Variants in MINDY4 observed in about 807,000 individuals in gnomAD.
MINDY4 encodes the protein MINDY lysine 48 deubiquitinase 4.
A neutral mutation model predicts 87.0 loss-of-function variants in MINDY4; 68 were observed. That is an observed-to-expected ratio of 0.78 (90% CI 0.64 to 0.96). The LOEUF is 0.96. Ranked by LOEUF, MINDY4 falls within the 40% of genes least tolerant of loss-of-function variation. The pLI is 0.00. For missense variants in MINDY4, 919 were observed against 928.2 expected (o/e 0.99, Z 0.13); for synonymous variants, 379 against 363.2 (o/e 1.04, Z -0.50).
At chr7:30,838,085 C>T (rs929209940) in intron 7 of MINDY4, among the ~76,000 whole-genome samples, 4 of 152,166 alleles carry the variant, frequency 2.6e-5, no homozygotes, top group Admixed American at 6.5e-5. Flanking sequence ...TTGGGGCTCA[C>T]TCAAGGCTTC....
chr7:30,875,901 A>G (rs1584347398), intron 15 of MINDY4, among the ~76,000 whole-genome samples: 1 of 152,130 alleles, frequency 6.6e-6, no homozygotes, highest in African/African-American at 2.4e-5. Flanking sequence ...ACTTCGAGGG[A>G]TTTCTGCCGT....
intron 5 of MINDY4, among the ~76,000 whole-genome samples, chr7:30,826,536 A>G (rs910443241): frequency 8.5e-5 from 13 of 152,218 alleles, no homozygotes; most frequent in Admixed American, 3.9e-4. Context: ...CTTGGAGGAA[A>G]TGCAGGCAGA....
intron 5 of MINDY4, among the ~76,000 whole-genome samples, chr7:30,810,624 T>C (rs1378731158): frequency 6.6e-6 from 1 of 152,216 alleles, no homozygotes; most frequent in Non-Finnish European, 1.5e-5. Context: ...TAACCTGCTC[T>C]ATAACAAAGA....
chr7:30,881,955 G>T (rs1397197139), intron 15 of MINDY4, among the ~76,000 whole-genome samples: 1 of 152,150 alleles, frequency 6.6e-6, no homozygotes, highest in African/African-American at 2.4e-5. Context: ...TCTCAGGTCT[G>T]TATGGCAGAG....
chr7:30,816,609 C>T (rs1476024422), intron 5 of MINDY4, among the ~76,000 whole-genome samples: 1 of 151,462 alleles, frequency 6.6e-6, no homozygotes, highest in African/African-American at 2.4e-5. Context: ...TCCCTCCCTC[C>T]CGCCCCCCTG....
chr7:30,883,160 G>A (rs1469894736), intron 17 of MINDY4, among the ~76,000 whole-genome samples, 167 bp downstream of exon 17: 1 of 152,192 alleles, frequency 6.6e-6, no homozygotes, highest in Non-Finnish European at 1.5e-5. Flanking sequence ...TGGTCACTGG[G>A]GCCCAGGTTC....
intron 5 of MINDY4, among the ~76,000 whole-genome samples, chr7:30,819,645 T>C (rs1788262918): frequency 6.6e-6 from 1 of 152,176 alleles, no homozygotes; most frequent in South Asian, 2.1e-4. Flanking sequence ...TTTGATAATA[T>C]GTTTTGAAGC....
intron 5 of MINDY4, among the ~76,000 whole-genome samples, chr7:30,815,538 G>GTGGA (rs1788122536): frequency 6.6e-6 from 1 of 152,220 alleles, no homozygotes; most frequent in South Asian, 2.1e-4. Context: ...GTGCAGAGGG[G>GTGGA]TGGAGGTGAG....
chr7:30,791,692 GCCTGC>G, intron 5 of MINDY4, 118 bp downstream of exon 5: 4 of 1,131,708 alleles, frequency 3.5e-6, no homozygotes, highest in Non-Finnish European at 4.9e-6. Flanking sequence ...CTCAGAACAA[GCCTGC>G]GAAGTAACCG....
intron 17 of MINDY4, among the ~76,000 whole-genome samples, chr7:30,885,373 A>T (rs1043128848): frequency 1.3e-5 from 2 of 152,162 alleles, no homozygotes; most frequent in South Asian, 4.1e-4. Context: ...TTAGCCGGGC[A>T]TGGTGGCACA....
intron 5 of MINDY4, among the ~76,000 whole-genome samples, chr7:30,823,040 T>C (rs1332036825): frequency 6.6e-6 from 1 of 152,194 alleles, no homozygotes; most frequent in Non-Finnish European, 1.5e-5. Context: ...GTTTCATTAT[T>C]AGGTTTACAT....
intron 1 of MINDY4, among the ~76,000 whole-genome samples, chr7:30,775,212 C>T (rs1197972979): frequency 2.0e-5 from 3 of 152,152 alleles, no homozygotes; most frequent in Non-Finnish European, 1.5e-5. Flanking sequence ...TCATGACTGC[C>T]CCCACTTCAG....
chr7:30,798,377 A>G, intron 5 of MINDY4, among the ~76,000 whole-genome samples: 1 of 152,220 alleles, frequency 6.6e-6, no homozygotes, highest in Non-Finnish European at 1.5e-5. Context: ...GGATAACTGC[A>G]AAGATTTTGC....
chr7:30,866,668 A>AT (rs769218536), intron 13 of MINDY4, among the ~76,000 whole-genome samples: 87 of 152,190 alleles, frequency 5.7e-4, no homozygotes, highest in Non-Finnish European at 1.1e-3. Flanking sequence ...GCTCTGAGGG[A>AT]TAAGTGGGAA....
Position 30,878,099 on chromosome 7 carries a change from C to T in MINDY4, c.1971+2443C>T, listed in dbSNP as rs113846749. Among the ~76,000 whole-genome samples the T allele has an allele frequency of 6.7e-3, 1,026 of 152,048 alleles. 8 individuals carry two copies. The highest frequency in any genetic ancestry group is 0.012 in the Admixed American group (180 of 15,278). The stretch of plus-strand genomic sequence containing the variant: ...AGGGGGTCCAGCACCCAAGCCTGGA[C>T]CTGGACTCAGAGCCAGGGCCCTTGC... On this transcript the variant is annotated intron_variant, in intron 15 of 17. Coordinates refer to ENST00000265299, the MANE Select transcript of MINDY4 (RefSeq NM_032222.3).
chr7:30,824,509 T>G (rs879935397), intron 5 of MINDY4, among the ~76,000 whole-genome samples: 3 of 152,192 alleles, frequency 2.0e-5, no homozygotes, highest in Admixed American at 2.0e-4. Flanking sequence ...TGCCTTTCTT[T>G]TAGAGCCCAT....
At chr7:30,845,183 TAGG>T (rs1789167743) in intron 9 of MINDY4, among the ~76,000 whole-genome samples, 2 of 151,970 alleles carry the variant, frequency 1.3e-5, no homozygotes, top group Non-Finnish European at 2.9e-5. Flanking sequence ...CACAGACTCC[TAGG>T]GACCAAGGGG....
At chr7:30,850,323 G>A (rs900454009) in intron 9 of MINDY4, 131 bp from the exon 10 acceptor site, 65 of 791,988 alleles carry the variant, frequency 8.2e-5, no homozygotes, top group Non-Finnish European at 1.2e-4. Context: ...TGGGCTGCAG[G>A]TGGCCCCTCT....
At chr7:30,860,975 A>G (rs1302510941) in intron 13 of MINDY4, among the ~76,000 whole-genome samples, 1 of 152,136 alleles carries the variant, frequency 6.6e-6, no homozygotes, top group Non-Finnish European at 1.5e-5. Flanking sequence ...ACACAGATAT[A>G]CAGATGCACA....
Sources: gnomAD v4.1 joint callset for allele counts (sites outside exome capture counted in the v4.1 genomes callset) on GRCh38, gnomAD v4.1.1 for gene constraint, MANE v1.5 for transcripts, NCBI Gene and HGNC (gene_info 2026-07-23, HGNC 2026-07-21) for gene names.